Variants in PRPF18 observed in about 807,000 individuals in gnomAD.
PRPF18 encodes pre-mRNA processing factor 18, also known as pre-mRNA-splicing factor 18.
In PRPF18, 38 loss-of-function variants were observed where a neutral mutation model predicts 46.5. The observed-to-expected ratio is 0.82, with a 90% CI of 0.63 to 1.07. PRPF18 has a LOEUF of 1.07. PRPF18 is among the 50% of genes least tolerant of loss of function. The pLI, the probability that PRPF18 is intolerant of heterozygous loss-of-function variation, is 0.00. For synonymous variants in PRPF18, 152 were observed against 146.7 expected (o/e 1.04, Z -0.26); for missense variants, 263 against 410.0 (o/e 0.64, Z 3.10).
At chr10:13,655,462 TAAA>T in the PRPF18 span, 5 of 152,196 alleles carry the variant, frequency 3.3e-5, no homozygotes, top group African/African-American at 7.2e-5. Context: ...AGAAGGAACA[TAAA>T]GAAGGTTCTG....
chr10:13,592,851 C>G (rs1342151583), intron 1 of PRPF18, among the ~76,000 whole-genome samples: 1 of 152,124 alleles, frequency 6.6e-6, no homozygotes, highest in Non-Finnish European at 1.5e-5. Context: ...TTCCTATATG[C>G]AAGATACTAT....
chr10:13,655,578 GCC>G, the PRPF18 span: 30 of 152,082 alleles, frequency 2.0e-4, no homozygotes, highest in African/African-American at 6.8e-4. Context: ...GGGATAGAAT[GCC>G]AGAGCCTGGC....
chr10:13,647,721 A>C, the PRPF18 span: 400 of 144,318 alleles, frequency 2.8e-3, 3 homozygotes, highest in African/African-American at 0.01. Flanking sequence ...TCTATAGAAG[A>C]AAATAAAAGG....
chr10:13,591,726 G>T, intron 1 of PRPF18: 1 of 965,540 alleles, frequency 1.0e-6, no homozygotes, highest in Non-Finnish European at 1.6e-6. Flanking sequence ...TAACAATTTT[G>T]GTTGAGGTGG....
intron 9 of PRPF18, among the ~76,000 whole-genome samples, chr10:13,619,365 C>T (rs542593177): frequency 6.6e-6 from 1 of 152,338 alleles, no homozygotes; most frequent in African/African-American, 2.4e-5. Context: ...ATTATAGACT[C>T]ACAAGAAGTT....
chr10:13,603,534 T>C (rs1335888006), intron 3 of PRPF18, among the ~76,000 whole-genome samples: 3 of 152,198 alleles, frequency 2.0e-5, no homozygotes, highest in African/African-American at 7.2e-5. Flanking sequence ...TCTTAAGCAG[T>C]GTTTTACAGT....
At chr10:13,595,384 G>C (rs944499908) in intron 1 of PRPF18, among the ~76,000 whole-genome samples, 2 of 112,334 alleles carry the variant, frequency 1.8e-5, no homozygotes, top group African/African-American at 6.5e-5. Context: ...GGCCTGGAGA[G>C]TGTTTTTTCC....
intron 1 of PRPF18, among the ~76,000 whole-genome samples, chr10:13,590,291 G>A (rs114401929): frequency 0.017 from 2,535 of 151,772 alleles, 60 homozygotes; most frequent in African/African-American, 0.054. Context: ...AACAAAGGGC[G>A]TACATGAAAT....
intron 2 of PRPF18, chr10:13,597,761 G>T: frequency 2.7e-6 from 3 of 1,128,358 alleles, no homozygotes; most frequent in Non-Finnish European, 2.5e-6. Flanking sequence ...TTGGCTTTTT[G>T]TGGACGGCAT....
At chr10:13,622,666 T>C (rs1419211806) in intron 9 of PRPF18, among the ~76,000 whole-genome samples, 1 of 152,234 alleles carries the variant, frequency 6.6e-6, no homozygotes, top group Non-Finnish European at 1.5e-5. Flanking sequence ...TTTCTTACCA[T>C]AAACTATGCA....
At chr10:13,629,943 G>GTTAATTCA (rs2080571145) in intron 9 of PRPF18, among the ~76,000 whole-genome samples, 1 of 152,232 alleles carries the variant, frequency 6.6e-6, no homozygotes, top group African/African-American at 2.4e-5. Context: ...TGTAGCTAGA[G>GTTAATTCA]TTAATTCATT....
At chr10:13,641,047 T>A in the PRPF18 span, 1 of 152,158 alleles carries the variant, frequency 6.6e-6, no homozygotes, top group Non-Finnish European at 1.5e-5. Context: ...CTTACTTGAT[T>A]TGGAGAAAAA....
At chr10:13,640,024 TC>T in the PRPF18 span, 2 of 152,184 alleles carry the variant, frequency 1.3e-5, no homozygotes, top group African/African-American at 4.8e-5. Context: ...ATCTCTCCAC[TC>T]AAAGATCACC....
At chr10:13,615,824 G>A (rs921666152) in intron 8 of PRPF18, among the ~76,000 whole-genome samples, 10 of 152,038 alleles carry the variant, frequency 6.6e-5, no homozygotes, top group African/African-American at 1.9e-4. Flanking sequence ...AAAGTGGAGC[G>A]ATCTCATCCT....
At position 13,600,229 on chromosome 10, in the gene PRPF18, T is replaced by C; in HGVS notation, c.145-15T>C. The C allele has an allele frequency of 6.5e-7, 1 of 1,549,346 alleles. No individual in the cohort carries two copies. Among genetic ancestry groups the C allele is most frequent in the Non-Finnish European group, 8.8e-7 (1 of 1,138,044 alleles). On this transcript the variant is annotated splice_polypyrimidine_tract_variant and intron_variant, in intron 2 of 9. Coordinates refer to ENST00000378572, the MANE Select transcript of PRPF18 (RefSeq NM_003675.4). ...TTTTAAAGCTGAATTTCATTTCTTT[T>C]GGCTATTAATATAGATACAGCCAAA...
chr10:13,607,788 A>G (rs1418352957), intron 4 of PRPF18, among the ~76,000 whole-genome samples: 1 of 152,236 alleles, frequency 6.6e-6, no homozygotes, highest in East Asian at 1.9e-4. Flanking sequence ...CAAGATTTCA[A>G]ATATATATTC....
rs562689566 is a variant in PRPF18 at position 13,618,925 on chromosome 10, A to G, written c.948+2372A>G. ...GAGTTCTAGATCAGCGGTCCCTGAC[A>G]TCTTTGGCACCAGGGACTGGTTTCA... is the stretch of plus-strand genomic sequence containing the variant. On this transcript the variant is annotated intron_variant, in intron 9 of 9. Transcript: ENST00000378572. 3.3e-5 allele frequency among the ~76,000 whole-genome samples: 5 copies of G among 152,294 alleles called. No homozygotes were observed. In the East Asian group the frequency reaches 9.6e-4, roughly 29 times the overall value.
At chr10:13,632,289 C>T (rs558289377), downstream of PRPF18, among the ~76,000 whole-genome samples, 327 of 152,066 alleles carry the variant, frequency 2.2e-3, 2 homozygotes, top group African/African-American at 7.6e-3. Flanking sequence ...TGCAGTGAGC[C>T]GAGATCGTGC....
At chr10:13,654,878 C>T in the PRPF18 span, 4 of 259,886 alleles carry the variant, frequency 1.5e-5, no homozygotes, top group South Asian at 9.2e-5. Flanking sequence ...GTCCTTTGAG[C>T]GAGACCTGAG....
Sources: allele counts gnomAD v4.1 joint callset (sites outside exome capture counted in the v4.1 genomes callset), GRCh38; gene constraint gnomAD v4.1.1; transcripts MANE v1.5; gene names NCBI Gene and HGNC (gene_info 2026-07-23, HGNC 2026-07-21).